The following LOXHD1 variants were observed in gnomAD, a reference collection of about 807,000 sequenced individuals.
LOXHD1 encodes the protein lipoxygenase homology domain-containing protein 1.
Under a neutral mutation model 248.2 loss-of-function variants are expected in LOXHD1, and 205 were observed. The observed-to-expected ratio is 0.83, with a 90% CI of 0.74 to 0.93. The LOEUF is 0.93. Among genes scored for constraint, LOXHD1 ranks in the 40% least tolerant of loss-of-function variants. The probability of loss-of-function intolerance (pLI) is 0.00; values close to 1 mark genes in which losing one functional copy is unlikely to be tolerated. For synonymous variants in LOXHD1, 1,113 were observed against 1,162.8 expected (o/e 0.96, Z 0.87); for missense variants, 2,930 against 2,971.6 (o/e 0.99, Z 0.33).
intron 12 of LOXHD1, among the ~76,000 whole-genome samples, chr18:46,586,566 C>T (rs1449048343): frequency 5.9e-5 from 9 of 152,214 alleles, no homozygotes; most frequent in Non-Finnish European, 2.9e-5. Context: ...TTGCCTCAGC[C>T]TCCCGAGTAA....
intron 33 of LOXHD1, chr18:46,520,536 A>T: frequency 3.1e-6 from 1 of 327,606 alleles, no homozygotes; most frequent in Non-Finnish European, 5.9e-6. Flanking sequence ...ATCCCAGGTC[A>T]TTTGACCAGT....
At chr18:46,656,581 G>T (rs1375209802) in intron 1 of LOXHD1, among the ~76,000 whole-genome samples, 1 of 152,178 alleles carries the variant, frequency 6.6e-6, no homozygotes, top group African/African-American at 2.4e-5. Flanking sequence ...CCTACTCGGG[G>T]ACCAGACTGG....
intron 14 of LOXHD1, 79 bp downstream of exon 14, chr18:46,577,628 G>C (rs530376510): frequency 6.8e-7 from 1 of 1,471,848 alleles, no homozygotes; most frequent in Non-Finnish European, 9.2e-7. Flanking sequence ...GCTGGTCATG[G>C]TAGTAGGGCT....
At chr18:46,602,224 G>T (rs537545129) in intron 7 of LOXHD1, among the ~76,000 whole-genome samples, 67 of 151,688 alleles carry the variant, frequency 4.4e-4, no homozygotes, top group African/African-American at 1.5e-3. Context: ...TTATTTTTTT[G>T]AGACAGAGTC....
At chr18:46,609,555 CT>C (rs1439177714) in intron 6 of LOXHD1, among the ~76,000 whole-genome samples, 4 of 152,158 alleles carry the variant, frequency 2.6e-5, no homozygotes, top group Admixed American at 1.3e-4. Flanking sequence ...ACACATTAAC[CT>C]TTTCCTATCA....
chr18:46,523,111 C>A (rs765806014), intron 31 of LOXHD1, among the ~76,000 whole-genome samples: 12 of 152,118 alleles, frequency 7.9e-5, no homozygotes, highest in Non-Finnish European at 1.5e-4. Flanking sequence ...CCACACCTAG[C>A]TAATTTTGTA....
intron 24 of LOXHD1, 47 bp from the exon 25 acceptor site, chr18:46,541,987 T>C: frequency 2.7e-6 from 4 of 1,500,076 alleles, no homozygotes; most frequent in Non-Finnish European, 3.6e-6. Context: ...TGAGCAGAGA[T>C]GATTTCCTGT....
chr18:46,605,417 C>T (rs1209200694), intron 6 of LOXHD1, among the ~76,000 whole-genome samples: 1 of 151,856 alleles, frequency 6.6e-6, no homozygotes, highest in East Asian at 1.9e-4. Context: ...GTCTCAGCTA[C>T]GCAGGAGAAT....
chr18:46,573,095 T>C (rs1356336293), intron 14 of LOXHD1, among the ~76,000 whole-genome samples: 2 of 148,902 alleles, frequency 1.3e-5, no homozygotes, highest in African/African-American at 2.5e-5. Flanking sequence ...AGGATAGGTA[T>C]TGGACCAGAG....
intron 4 of LOXHD1, among the ~76,000 whole-genome samples, chr18:46,627,062 C>A (rs912922297): frequency 1.3e-5 from 2 of 152,186 alleles, no homozygotes; most frequent in Non-Finnish European, 2.9e-5. Flanking sequence ...TGAATTTTTA[C>A]AATGGCCATA....
At chr18:46,558,075 T>C in intron 20 of LOXHD1, 1 of 985,958 alleles carries the variant, frequency 1.0e-6, no homozygotes, top group African/African-American at 1.7e-5. Context: ...AATGGGGCCT[T>C]CTTGGATATA....
intron 40 of LOXHD1, among the ~76,000 whole-genome samples, chr18:46,482,500 G>A (rs529691559): frequency 1.3e-5 from 2 of 152,332 alleles, no homozygotes; most frequent in South Asian, 4.1e-4. Flanking sequence ...AGCCTCCAAA[G>A]CTGTGAGAAA....
rs1168473818 is a variant in LOXHD1, at chr18:46,601,370, C to G, written c.981G>C (p.Lys327Asn). 2 of 1,551,732 alleles carry G rather than the reference C, an allele frequency of 1.3e-6. No homozygotes were observed. The highest frequency in any genetic ancestry group is 1.2e-5 in the South Asian group (1 of 84,056). Residue 327 changes from lysine to asparagine, a missense_variant, in exon 8 of 41, where the codon AAG (lysine) becomes AAC (asparagine). Physicochemically the swap from Lys to Asn is moderately conservative, Grantham distance 94. Transcript: ENST00000642948. ...CCTCCAGGAAGATTTTCCCACTGTTCTTATTCCCTCTGGCCCCATACATGA... is the reference window on the plus strand; with the variant it reads ...CCTCCAGGAAGATTTTCCCACTGTTGTTATTCCCTCTGGCCCCATACATGA... ...YLVMYGARGN[K>N]NSGKIFLEGG...
chr18:46,546,826 A>AGACT (rs1487507262), intron 22 of LOXHD1, 69 bp downstream of exon 22: 2 of 1,476,974 alleles, frequency 1.4e-6, no homozygotes, highest in African/African-American at 2.8e-5. Flanking sequence ...AGGAAGATGG[A>AGACT]GACTTAGGGT....
chr18:46,550,086 C>G (rs1426896735), intron 21 of LOXHD1, among the ~76,000 whole-genome samples: 1 of 152,174 alleles, frequency 6.6e-6, no homozygotes, highest in Non-Finnish European at 1.5e-5. Context: ...GACAAAGTAG[C>G]AGAGCCAATG....
intron 12 of LOXHD1, among the ~76,000 whole-genome samples, chr18:46,590,386 C>A (rs1454737236): frequency 6.6e-6 from 1 of 152,122 alleles, no homozygotes; most frequent in Non-Finnish European, 1.5e-5. Flanking sequence ...AGTGACCGTC[C>A]AGATAATGTA....
chr18:46,621,634 A>G (rs1223558161), intron 4 of LOXHD1, among the ~76,000 whole-genome samples: 3 of 152,166 alleles, frequency 2.0e-5, no homozygotes, highest in African/African-American at 2.4e-5. Context: ...TGTTGAACTC[A>G]TCACTTGGAT....
chr18:46,580,192 A>C (rs1174880927), intron 12 of LOXHD1, among the ~76,000 whole-genome samples: 1 of 152,030 alleles, frequency 6.6e-6, no homozygotes. Context: ...TTCTTGGGGG[A>C]CTCTGATGGA....
chr18:46,482,399 G>T (rs573813994), intron 40 of LOXHD1, among the ~76,000 whole-genome samples: 1 of 152,184 alleles, frequency 6.6e-6, no homozygotes, highest in Non-Finnish European at 1.5e-5. Context: ...TCTCTGCCAC[G>T]TGAGGACACA....
Sources: gnomAD v4.1 joint callset for allele counts (sites outside exome capture counted in the v4.1 genomes callset) on GRCh38, gnomAD v4.1.1 for gene constraint, MANE v1.5 for transcripts, NCBI Gene and HGNC (gene_info 2026-07-23, HGNC 2026-07-21) for gene names.